Variants in MKLN1 observed in about 807,000 individuals in gnomAD.
The protein encoded by MKLN1 is muskelin 1.
A neutral mutation model predicts 99.0 loss-of-function variants in MKLN1; 18 were observed. The ratio of observed to expected loss-of-function variants is 0.18; its 90% CI spans 0.13 to 0.27. MKLN1 has a LOEUF of 0.27. Ranked by LOEUF, MKLN1 falls within the 10% of genes least tolerant of loss-of-function variation. The pLI is 1.00. For missense variants in MKLN1, 621 were observed against 875.9 expected, an observed-to-expected ratio of 0.71 and a Z score of 3.67; for synonymous variants, 288 against 293.2, an observed-to-expected ratio of 0.98 and a Z score of 0.18.
intron 6 of MKLN1, among the ~76,000 whole-genome samples, chr7:131,402,335 A>C (rs1794573251): frequency 6.6e-6 from 1 of 152,152 alleles, no homozygotes; most frequent in South Asian, 2.1e-4. Flanking sequence ...TTCAGGCTCT[A>C]CTTCTAATTC....
intron 8 of MKLN1, among the ~76,000 whole-genome samples, chr7:131,423,323 T>C (rs1795260798): frequency 6.6e-6 from 1 of 152,056 alleles, no homozygotes; most frequent in Non-Finnish European, 1.5e-5. Context: ...GCTTTTATTA[T>C]TATTTTTATT....
At chr7:131,162,049 T>C (rs994050895) in intron 2 of MKLN1, among the ~76,000 whole-genome samples, 14 of 148,716 alleles carry the variant, frequency 9.4e-5, no homozygotes, top group East Asian at 2.0e-4. Flanking sequence ...CACACACACA[T>C]ATATATATGT....
intron 1 of MKLN1, among the ~76,000 whole-genome samples, chr7:131,118,567 G>T (rs897770520): frequency 6.9e-6 from 1 of 145,442 alleles, no homozygotes; most frequent in Non-Finnish European, 1.5e-5. Context: ...AAAAAAAAAA[G>T]AAAGAAAGAA....
chr7:131,213,610 G>A (rs907932575), intron 3 of MKLN1, among the ~76,000 whole-genome samples: 1 of 152,156 alleles, frequency 6.6e-6, no homozygotes, highest in African/African-American at 2.4e-5. Context: ...TTCCCTTGGT[G>A]GGGAAAATCA....
intron 15 of MKLN1, among the ~76,000 whole-genome samples, chr7:131,469,054 C>T (rs569997385): frequency 1.3e-5 from 2 of 152,270 alleles, no homozygotes; most frequent in South Asian, 4.1e-4. Context: ...CCTTGTACCT[C>T]TGTCTGCTTC....
chr7:131,243,429 C>T (rs17814449), intron 3 of MKLN1, among the ~76,000 whole-genome samples: 29,151 of 152,096 alleles, frequency 0.19, 3,081 homozygotes, highest in Non-Finnish European at 0.24. Flanking sequence ...ATGTGTTACC[C>T]GCTTGCAACA....
chr7:131,263,805 C>G (rs1045177761), intron 3 of MKLN1, among the ~76,000 whole-genome samples: 3 of 151,936 alleles, frequency 2.0e-5, no homozygotes, highest in Non-Finnish European at 2.9e-5. Context: ...CCTGACCTCA[C>G]GTGATCCACC....
chr7:131,324,874 C>T (rs1023646235), upstream of MKLN1, among the ~76,000 whole-genome samples: 2 of 152,124 alleles, frequency 1.3e-5, no homozygotes, highest in African/African-American at 4.8e-5. Flanking sequence ...AACAAATTTT[C>T]GTCTTGGTAT....
chr7:131,137,723 C>A (rs1195824401), intron 1 of MKLN1, among the ~76,000 whole-genome samples: 1 of 150,076 alleles, frequency 6.7e-6, no homozygotes, highest in African/African-American at 2.5e-5. Context: ...TACGTGCATG[C>A]GCCACCATAC....
At chr7:131,359,106 A>C (rs1310200007) in intron 1 of MKLN1, among the ~76,000 whole-genome samples, 1 of 152,114 alleles carries the variant, frequency 6.6e-6, no homozygotes, top group African/African-American at 2.4e-5. Flanking sequence ...GTGGAAGCTT[A>C]AGTGATTGAC....
At chr7:131,311,994 C>A (rs1431293706) in intron 3 of MKLN1, among the ~76,000 whole-genome samples, 1 of 151,228 alleles carries the variant, frequency 6.6e-6, no homozygotes, top group Non-Finnish European at 1.5e-5. Flanking sequence ...AAATCTCAGG[C>A]AGGTATTTTT....
At chr7:131,321,306 C>T (rs1196136892) in intron 3 of MKLN1, among the ~76,000 whole-genome samples, 1 of 152,124 alleles carries the variant, frequency 6.6e-6, no homozygotes, top group Non-Finnish European at 1.5e-5. Context: ...AGCCATCATT[C>T]TCAGCAAATT....
chr7:131,117,184 CACTTTG>C, intron 1 of MKLN1, among the ~76,000 whole-genome samples: 1 of 152,152 alleles, frequency 6.6e-6, no homozygotes, highest in South Asian at 2.1e-4. Flanking sequence ...GTAATCCCAG[CACTTTG>C]GGAGGCTGAG....
chr7:131,430,061 T>G lies in MKLN1; in HGVS notation c.960+916T>G, dbSNP rs188912. Among the ~76,000 whole-genome samples the G allele has an allele frequency of 2.6e-5, 4 of 152,296 alleles. No individual in the cohort carries two copies. In the South Asian group the frequency reaches 8.3e-4, roughly 32 times the overall value. On this transcript the variant is annotated intron_variant, in intron 9 of 17. Transcript: ENST00000352689. ...ATTCATTTATTATTTTTTCAAATCT[T>G]TATAGAACATTTTAATTGCACTCTC...
At chr7:131,305,569 G>A (rs190255041) in intron 3 of MKLN1, among the ~76,000 whole-genome samples, 78 of 152,280 alleles carry the variant, frequency 5.1e-4, no homozygotes, top group Admixed American at 2.7e-3. Flanking sequence ...TTGTGGGGGT[G>A]ACTCTTCATC....
rs375000821 is a variant in MKLN1, at chr7:131,350,400, G to A, written c.98+22403G>A. ...TCCATAACAAATTGCTACAAACTTA[G>A]CAGCTTAAAACAATACACAATTTAT... On this transcript the variant is annotated intron_variant, in intron 1 of 17. Coordinates refer to ENST00000352689, the MANE Select transcript of MKLN1 (RefSeq NM_013255.5). Among the ~76,000 whole-genome samples, 22 of 152,158 alleles carry A rather than the reference G, an allele frequency of 1.4e-4. 1 individual carries two copies. In the East Asian group the frequency reaches 3.5e-3, roughly 24 times the overall value.
At chr7:131,142,166 G>T (rs1482508312) in intron 1 of MKLN1, among the ~76,000 whole-genome samples, 1 of 152,106 alleles carries the variant, frequency 6.6e-6, no homozygotes, top group Non-Finnish European at 1.5e-5. Flanking sequence ...CCAACACTGG[G>T]AGGTCGAGGT....
At chr7:131,380,536 A>G (rs1563320385) in intron 2 of MKLN1, among the ~76,000 whole-genome samples, 1 of 152,224 alleles carries the variant, frequency 6.6e-6, no homozygotes, top group Admixed American at 6.5e-5. Context: ...AGTATACTTT[A>G]TGTAAAGTAG....
chr7:131,152,077 C>T (rs1047225376), intron 2 of MKLN1, among the ~76,000 whole-genome samples: 1 of 152,142 alleles, frequency 6.6e-6, no homozygotes, highest in African/African-American at 2.4e-5. Flanking sequence ...AATCCCAACA[C>T]TTTCAGAGGC....
Sources: allele counts gnomAD v4.1 joint callset (sites outside exome capture counted in the v4.1 genomes callset), GRCh38; gene constraint gnomAD v4.1.1; transcripts MANE v1.5; gene names NCBI Gene and HGNC (gene_info 2026-07-23, HGNC 2026-07-21).